The following ZNF575 variants were observed in gnomAD, a reference collection of about 807,000 sequenced individuals.
ZNF575 encodes zinc finger protein 575.
ZNF575 carries 17 observed loss-of-function variants against 17.5 expected under a neutral mutation model. The observed-to-expected ratio is 0.97, with a 90% confidence interval of 0.66 to 1.45. ZNF575 has a LOEUF of 1.45. Ranked by LOEUF, ZNF575 falls within the 40% of genes most tolerant of loss-of-function variation. The pLI is 0.00. For synonymous variants in ZNF575, 146 were observed against 158.3 expected (o/e 0.92, Z 0.58); for missense variants, 352 against 359.2 (o/e 0.98, Z 0.16).
At position 43,535,047 on chromosome 19, in the gene ZNF575, C is replaced by T; in HGVS notation, c.98C>T (p.Pro33Leu). 1 of 1,477,278 alleles carries T rather than the reference C, an allele frequency of 6.8e-7. No individual in the cohort carries two copies. The allele number at this position is 1,477,278 out of a possible 1,614,324, so 91.5% of individuals were successfully genotyped here. Reference protein sequence around the residue: ...VTKEAPHQGPPQKPSQSAPGP... With the variant: ...VTKEAPHQGPLQKPSQSAPGP... ...CCCCCAGCTCCCCACCAGGGCCCAC[C>T]GCAGAAGCCCAGCCAGTCAGCTCCA... The change falls in exon 4 of 4, where the codon CCG (proline) becomes CTG (leucine). Residue 33 changes from proline to leucine, a missense_variant. Coordinates refer to ENST00000314228, the MANE Select transcript of ZNF575 (RefSeq NM_174945.3).
At chr19:43,531,712 A>C, upstream of ZNF575, 1 of 495,276 alleles carries the variant, frequency 2.0e-6, no homozygotes, top group Non-Finnish European at 3.6e-6. Flanking sequence ...TTTGACATTT[A>C]GCTTCAGAAT....
upstream of ZNF575, chr19:43,531,942 CTTTTTTTTTTTTTT>C (rs869122064): frequency 4.0e-4 from 43 of 107,318 alleles, no homozygotes; most frequent in Non-Finnish European, 6.1e-4. Context: ...TTAAGCCAGA[CTTTTTTTTTTTTTT>C]TTTTTTTTTT....
intron 2 of ZNF575, 129 bp from the exon 3 acceptor site, chr19:43,534,208 C>T (rs1053067393): frequency 1.9e-6 from 1 of 540,090 alleles, no homozygotes; most frequent in South Asian, 2.4e-5. Flanking sequence ...GAAGGGACTG[C>T]CTCTGGCTTG....
At position 43,535,192 on chromosome 19, in the gene ZNF575, C is replaced by A. The variant is rs1972397576; in HGVS notation, c.243C>A (p.His81Gln). ...AFSYPSKLAT[H>Q]RLAHGGARPH... is the part of the protein sequence containing the mutation. ...CGTACCCGTCCAAGCTGGCCACGCA[C>A]CGCTTAGCACACGGAGGCGCCCGAC... Residue 81 changes from histidine to glutamine, a missense_variant, in exon 4 of 4, where the codon CAC (histidine) becomes CAA (glutamine). Physicochemically the swap from His to Gln is conservative, Grantham distance 24. Coordinates refer to ENST00000314228, the MANE Select transcript of ZNF575 (RefSeq NM_174945.3). 1 of 1,609,962 alleles carries A rather than the reference C, an allele frequency of 6.2e-7. No homozygotes were observed. The highest frequency in any genetic ancestry group is 8.5e-7 in the Non-Finnish European group (1 of 1,178,432).
chr19:43,535,406 C>T lies in ZNF575; in HGVS notation c.457C>T (p.Pro153Ser). ...CCGCCCCTACCCGTGCCCCGACTGCCCCAAGTCCTTCTGCTACCCTTCCAA... is the reference window on the plus strand; with the variant it reads ...CCGCCCCTACCCGTGCCCCGACTGCTCCAAGTCCTTCTGCTACCCTTCCAA... ...PTRPYPCPDC[P>S]KSFCYPSKLA... Residue 153 changes from proline (P) to serine (S), a missense_variant, in exon 4 of 4, where the codon CCC (proline) becomes TCC (serine). By Grantham distance (74) the Pro-to-Ser change is moderately conservative. Coordinates refer to ENST00000314228, the MANE Select transcript of ZNF575 (RefSeq NM_174945.3). 6.3e-7 allele frequency: 1 copy of T among 1,589,252 alleles called. No individual in the cohort carries two copies. Among genetic ancestry groups the T allele is most frequent in the Non-Finnish European group, 8.6e-7 (1 of 1,162,526 alleles).
At chr19:43,532,192 C>T (rs1038343218), upstream of ZNF575, among the ~76,000 whole-genome samples, 2 of 59,870 alleles carry the variant, frequency 3.3e-5, no homozygotes, top group African/African-American at 1.1e-4. Context: ...CCATGCCTGA[C>T]TAATTTTTGT....
Position 43,535,681 on chromosome 19 carries a change from A to C in ZNF575, c.732A>C (p.Arg244Ser), listed in dbSNP as rs151144919. 8.3e-5 allele frequency: 134 copies of C among 1,605,738 alleles called. 2 individuals carry two copies. In the African/African-American group the frequency reaches 1.5e-3, roughly 18 times the overall value. ...SHHQVEHKGE[R>S]D is the part of the protein sequence containing the mutation. ...ACCAGGTGGAGCACAAGGGGGAGAGAGACTGAGCCCTCCCTTGGCTCACTG... is the reference window on the plus strand; with the variant it reads ...ACCAGGTGGAGCACAAGGGGGAGAGCGACTGAGCCCTCCCTTGGCTCACTG... The change falls in exon 4 of 4, where the codon AGA becomes AGC. Residue 244 changes from arginine (R) to serine (S), a missense_variant. Arg to Ser is a moderately radical substitution (Grantham distance 110, BLOSUM62 -1). Transcript: ENST00000314228.
chr19:43,534,548 G>A lies in ZNF575; in HGVS notation c.79+47G>A, dbSNP rs369960226. ...GTAGGGAGCATTCTCCAGGAACGGG[G>A]GCCAAAATAATCACATTCTGGGGGA... On this transcript the variant is annotated intron_variant, in intron 3 of 3. Coordinates refer to ENST00000314228, the MANE Select transcript of ZNF575 (RefSeq NM_174945.3). The A allele has an allele frequency of 2.1e-5, 29 of 1,391,886 alleles. No homozygotes were observed. The African/African-American group carries it at 3.2e-4, about 15-fold the overall frequency. 86.2% of individuals were successfully genotyped at this position (1,391,886 alleles called of 1,614,324 possible).
At chr19:43,531,432 A>C (rs1225985459), upstream of ZNF575, among the ~76,000 whole-genome samples, 1 of 152,298 alleles carries the variant, frequency 6.6e-6, no homozygotes, top group East Asian at 1.9e-4. Context: ...AAATACAAAA[A>C]TTAGCTGGGT....
chr19:43,531,683 A>G (rs1378999233), upstream of ZNF575: 1 of 462,148 alleles, frequency 2.2e-6, no homozygotes, highest in Non-Finnish European at 3.9e-6. Flanking sequence ...TAATAAAAAG[A>G]TATTTATGAG....
Position 43,535,992 on chromosome 19 carries a change from C to A in ZNF575, c.*305C>A. On this transcript the variant is annotated 3_prime_UTR_variant, in exon 4 of 4. Coordinates refer to ENST00000314228, the MANE Select transcript of ZNF575 (RefSeq NM_174945.3). ...ATCGTGGGTTGATGAGGATTGTGGG[C>A]AAACAGGCTCTCTTGTTAAAAGTTT... The A allele has an allele frequency of 2.7e-6, 1 of 365,378 alleles. No individual in the cohort carries two copies. The highest frequency in any genetic ancestry group is 4.6e-5 in the East Asian group (1 of 21,668). The allele number at this position is 365,378 out of a possible 1,614,324, so 22.6% of individuals were successfully genotyped here.
chr19:43,534,490 T>A lies in ZNF575; in HGVS notation c.68T>A (p.Val23Glu). Reference sequence around the variant, plus strand: ...CCTAGTCCCACTGGCAAGGAACCAGTGACCAAAGAAGGTGAGAGTGCCCCG... The same window carrying A: ...CCTAGTCCCACTGGCAAGGAACCAGAGACCAAAGAAGGTGAGAGTGCCCCG... ...TDPSPTGKEP[V>E]TKEAPHQGPP... The change falls in exon 3 of 4, where the codon GTG becomes GAG. Residue 23 changes from valine to glutamate, a missense_variant. Val to Glu is a moderately radical substitution (Grantham distance 121). Coordinates refer to ENST00000314228, the MANE Select transcript of ZNF575 (RefSeq NM_174945.3). 2 of 1,467,924 alleles carry A rather than the reference T, an allele frequency of 1.4e-6. No homozygotes were observed. The highest frequency in any genetic ancestry group is 1.8e-6 in the Non-Finnish European group (2 of 1,107,842). The allele number at this position is 1,467,924 out of a possible 1,614,324, so 90.9% of individuals were successfully genotyped here.
rs1017971278 is a variant in ZNF575 at position 43,535,570 on chromosome 19, C to G, written c.621C>G (p.Ser207Arg). ...ACGACCCCCCAACCGCGCCCGGCAG[C>G]CAGGCGACTGCCTGGCACCGATGCT... is the stretch of plus-strand genomic sequence containing the variant. The part of the protein sequence containing the change: ...LCHDPPTAPG[S>R]QATAWHRCSS... Residue 207 changes from serine (S) to arginine (R), a missense_variant, in exon 4 of 4, where the codon AGC becomes AGG. Physicochemically the swap from Ser to Arg is moderately radical, Grantham distance 110. Coordinates refer to ENST00000314228, the MANE Select transcript of ZNF575 (RefSeq NM_174945.3). The G allele has an allele frequency of 6.2e-6, 10 of 1,613,794 alleles. No individual in the cohort carries two copies. The highest frequency in any genetic ancestry group is 1.3e-5 in the African/African-American group (1 of 74,952).
At chr19:43,534,136 T>C (rs1034201061) in intron 2 of ZNF575, 2 of 477,802 alleles carry the variant, frequency 4.2e-6, no homozygotes, top group South Asian at 5.8e-5. Context: ...AGACGGCCGC[T>C]GAGTTAGTTG....
In ZNF575 at chr19:43,535,894, G is replaced by C; in HGVS notation, c.*207G>C. ...GGGGAGATCTCAAACCATGGACGTG[G>C]AGCTGTGGTTTGACAGCGCTGGCTC... On this transcript the variant is annotated 3_prime_UTR_variant, in exon 4 of 4. Transcript: ENST00000314228. 1.6e-6 allele frequency: 1 copy of C among 616,602 alleles called. No homozygotes were observed. The highest frequency in any genetic ancestry group is 2.8e-6 in the Non-Finnish European group (1 of 357,650). 38.2% of individuals were successfully genotyped at this position (616,602 alleles called of 1,614,324 possible). A position where few individuals can be genotyped will look rare whatever the true frequency, so the allele number is the denominator to read the frequency against.
upstream of ZNF575, among the ~76,000 whole-genome samples, chr19:43,531,248 G>A (rs1232620266): frequency 2.6e-5 from 4 of 151,792 alleles, no homozygotes; most frequent in Admixed American, 6.6e-5. Context: ...CTGATATCTC[G>A]CCACTGCACA....
chr19:43,534,515 G>A lies in ZNF575; in HGVS notation c.79+14G>A. 2 of 1,434,028 alleles carry A rather than the reference G, an allele frequency of 1.4e-6. No individual in the cohort carries two copies. Among genetic ancestry groups the A allele is most frequent in the South Asian group, 1.5e-5 (1 of 64,744 alleles). 88.8% of individuals were successfully genotyped at this position (1,434,028 alleles called of 1,614,324 possible). A position where few individuals can be genotyped will look rare whatever the true frequency, so the allele number is the denominator to read the frequency against. ...TGACCAAAGAAGGTGAGAGTGCCCC[G>A]CCTGTGAGTAGGGAGCATTCTCCAG... On this transcript the variant is annotated intron_variant, in intron 3 of 3. Transcript: ENST00000314228.
In ZNF575 at chr19:43,534,172, A is replaced by G. The variant is rs983736781; in HGVS notation, c.-86-165A>G. 1.5e-5 allele frequency: 8 copies of G among 525,042 alleles called. No individual in the cohort carries two copies. In the Admixed American group the frequency reaches 2.7e-4, roughly 18 times the overall value. The allele number at this position is 525,042 out of a possible 1,614,324, so 32.5% of individuals were successfully genotyped here. ...TGGAGACTCCGCCCACTCTGCTGAA[A>G]GACTCCAACCCTGGGTTTAGATAGC... On this transcript the variant is annotated intron_variant, in intron 2 of 3. Coordinates refer to ENST00000314228, the MANE Select transcript of ZNF575 (RefSeq NM_174945.3).
chr19:43,534,974 C>T, intron 3 of ZNF575, 55 bp from the exon 4 acceptor site: 1 of 1,371,518 alleles, frequency 7.3e-7, no homozygotes, highest in South Asian at 1.7e-5. Context: ...GGAGCCTGGC[C>T]TAGGCCCAGG....
Sources: allele counts gnomAD v4.1 joint callset (sites outside exome capture counted in the v4.1 genomes callset), GRCh38; gene constraint gnomAD v4.1.1; transcripts MANE v1.5; gene names NCBI Gene and HGNC (gene_info 2026-07-23, HGNC 2026-07-21).